ACACA: variants seen among roughly 807,000 people sequenced by gnomAD.
ACACA encodes the protein acetyl-CoA carboxylase alpha.
In ACACA, 103 loss-of-function variants were observed where a neutral mutation model predicts 296.1. The ratio of observed to expected loss-of-function variants is 0.35; its 90% confidence interval spans 0.30 to 0.41. The LOEUF is 0.41. Ranked by LOEUF, ACACA falls within the 10% of genes least tolerant of loss-of-function variation. The pLI, the probability that ACACA is intolerant of heterozygous loss-of-function variation, is 1.00. For missense variants in ACACA, 1,554 were observed against 2,989.7 expected, an observed-to-expected ratio of 0.52 and a Z score of 11.20; for synonymous variants, 953 against 1,038.6, an observed-to-expected ratio of 0.92 and a Z score of 1.58.
chr17:37,397,786 C>CCACCCTCCTT (rs1399038158), intron 1 of ACACA, among the ~76,000 whole-genome samples: 1 of 152,074 alleles, frequency 6.6e-6, no homozygotes, highest in African/African-American at 2.4e-5. Flanking sequence ...TTCCTTTACC[C>CCACCCTCCTT]CACCCTCCTT....
rs779103073 is a variant in ACACA, at chr17:37,243,499, C to G, written c.2803G>C (p.Glu935Gln). Residue 935 changes from glutamate to glutamine, a missense_variant, in exon 22 of 56, where the codon GAA becomes CAA. Physicochemically the swap from Glu to Gln is conservative, Grantham distance 29. Transcript: ENST00000616317. ...ACACTGGTCATAATATCTTGCAATT[C>G]TAGGAGAGGCAGGGAGGGATCTCTG... ...TLRDPSLPLL[E>Q]LQDIMTSVSG... 1 of 1,614,126 alleles carries G rather than the reference C, an allele frequency of 6.2e-7. No individual in the cohort carries two copies. Among genetic ancestry groups the G allele is most frequent in the Non-Finnish European group, 8.5e-7 (1 of 1,180,020 alleles).
chr17:37,264,978 G>C (rs1467755227), intron 10 of ACACA, among the ~76,000 whole-genome samples: 4 of 152,156 alleles, frequency 2.6e-5, no homozygotes, highest in Non-Finnish European at 5.9e-5. Context: ...GATTTGTGCT[G>C]ACTGCTGGCT....
chr17:37,387,306 G>C (rs909094185), intron 1 of ACACA: 1 of 151,688 alleles, frequency 6.6e-6, no homozygotes, highest in African/African-American at 2.4e-5. Flanking sequence ...TTTTAGCAGA[G>C]ACAGGGTTTC....
At chr17:37,286,447 G>A (rs1053245962) in intron 3 of ACACA, among the ~76,000 whole-genome samples, 66 of 152,240 alleles carry the variant, frequency 4.3e-4, no homozygotes, top group South Asian at 1.5e-3. Context: ...CTTTTATGCT[G>A]TGCTCTGTGA....
At chr17:37,232,672 T>A (rs2079917975) in intron 25 of ACACA, among the ~76,000 whole-genome samples, 1 of 152,208 alleles carries the variant, frequency 6.6e-6, no homozygotes, top group Non-Finnish European at 1.5e-5. Context: ...AACTTCTTGA[T>A]TTCCAAATCT....
At position 37,093,438 on chromosome 17, in the gene ACACA, C is replaced by A. The variant is rs560142528; in HGVS notation, c.6891+3558G>T. Among the ~76,000 whole-genome samples the A allele has an allele frequency of 4.1e-5, 6 of 146,818 alleles. No individual in the cohort carries two copies. The East Asian group carries it at 1.4e-3, about 34-fold the overall frequency. ...TATGTTGCTATTATTTTTTTACCTT[C>A]TAACATGGAGCAGGGGAAACTAGCA... On this transcript the variant is annotated intron_variant, in intron 54 of 55. Coordinates refer to ENST00000616317, the MANE Select transcript of ACACA (RefSeq NM_198834.3).
intron 45 of ACACA, 66 bp from the exon 46 acceptor site, chr17:37,130,284 A>C: frequency 6.3e-7 from 1 of 1,594,866 alleles, no homozygotes. Context: ...CGATTTCACA[A>C]GTCGCACTAA....
chr17:37,290,805 C>T (rs1411760390), intron 3 of ACACA, among the ~76,000 whole-genome samples: 2 of 152,084 alleles, frequency 1.3e-5, no homozygotes, highest in Admixed American at 6.6e-5. Context: ...CTAACACTGG[C>T]GGGCACAGTG....
chr17:37,186,320 T>G (rs1466047830), intron 39 of ACACA, among the ~76,000 whole-genome samples: 4 of 152,208 alleles, frequency 2.6e-5, no homozygotes. Flanking sequence ...ATAGCACATA[T>G]TTGCCACAGA....
At chr17:37,133,265 G>A (rs975165303) in intron 45 of ACACA, among the ~76,000 whole-genome samples, 3 of 152,062 alleles carry the variant, frequency 2.0e-5, no homozygotes, top group Admixed American at 6.5e-5. Context: ...CTTAACAATC[G>A]GTGAAGAGAA....
Position 37,163,196 on chromosome 17 carries a change from TA to T in ACACA, c.5080-1147del, listed in dbSNP as rs80294939. On this transcript the variant is annotated intron_variant, in intron 41 of 55. Coordinates refer to ENST00000616317, the MANE Select transcript of ACACA (RefSeq NM_198834.3). ...AATTAACTCAAAAATGTCACGGTGCTAAAAAAAAAAAAAAAAAAAAGAGTGT... is the reference window on the plus strand; with the variant it reads ...AATTAACTCAAAAATGTCACGGTGCTAAAAAAAAAAAAAAAAAAAGAGTGT... The T allele has an allele frequency of 5.1e-3, 304 of 59,302 alleles. 15 individuals carry two copies. The highest frequency in any genetic ancestry group is 0.033 in the East Asian group (34 of 1,026). 3.7% of individuals were successfully genotyped at this position (59,302 alleles called of 1,614,324 possible).
chr17:37,331,958 A>C (rs950081634), intron 2 of ACACA, among the ~76,000 whole-genome samples: 3 of 152,122 alleles, frequency 2.0e-5, no homozygotes, highest in African/African-American at 7.2e-5. Context: ...TGCATTTTAA[A>C]ATGTCACCCC....
At chr17:37,092,092 G>A (rs2072678771) in intron 54 of ACACA, among the ~76,000 whole-genome samples, 1 of 151,664 alleles carries the variant, frequency 6.6e-6, no homozygotes, top group African/African-American at 2.4e-5. Context: ...TTTCAGACCA[G>A]CCTGGGCAAC....
At chr17:37,169,646 C>T (rs1207420415) in intron 41 of ACACA, among the ~76,000 whole-genome samples, 1 of 152,112 alleles carries the variant, frequency 6.6e-6, no homozygotes. Flanking sequence ...ATTCTACAAT[C>T]ACTATAAAAG....
chr17:37,390,271 A>T (rs1306729675), intron 1 of ACACA, among the ~76,000 whole-genome samples: 6 of 51,010 alleles, frequency 1.2e-4, no homozygotes, highest in African/African-American at 4.7e-4. Context: ...AATTATATAT[A>T]ATATATTATA....
chr17:37,398,281 C>CTTT (rs777127866), intron 1 of ACACA, among the ~76,000 whole-genome samples: 560 of 79,122 alleles, frequency 7.1e-3, no homozygotes, highest in East Asian at 9.4e-3. Flanking sequence ...TGTGGTATCA[C>CTTT]TTTTTTTTTT....
intron 1 of ACACA, among the ~76,000 whole-genome samples, chr17:37,390,270 TA>T (rs1652679871): frequency 4.7e-4 from 31 of 66,280 alleles, no homozygotes; most frequent in African/African-American, 2.1e-3. Flanking sequence ...TAATTATATA[TA>T]ATATATTATA....
intron 23 of ACACA, 54 bp from the exon 24 acceptor site, chr17:37,240,618 C>A: frequency 6.7e-7 from 1 of 1,498,226 alleles, no homozygotes; most frequent in Non-Finnish European, 9.1e-7. Flanking sequence ...CACTATTAAG[C>A]AATAAACCCA....
chr17:37,206,670 T>C, intron 32 of ACACA, 113 bp downstream of exon 32: 1 of 850,882 alleles, frequency 1.2e-6, no homozygotes, highest in Non-Finnish European at 1.9e-6. Context: ...TACTATAAAG[T>C]GGGGTAAAAG....
Sources: allele counts gnomAD v4.1 joint callset (sites outside exome capture counted in the v4.1 genomes callset), GRCh38; gene constraint gnomAD v4.1.1; transcripts MANE v1.5; gene names NCBI Gene and HGNC (gene_info 2026-07-23, HGNC 2026-07-21).